CNTNAP2: variants seen among roughly 807,000 people sequenced by gnomAD.
CNTNAP2 encodes the protein contactin-associated protein-like 2.
In CNTNAP2, 98 loss-of-function variants were observed where a neutral mutation model predicts 155.2. The ratio of observed to expected loss-of-function variants is 0.63; its 90% CI spans 0.54 to 0.75. The LOEUF (loss-of-function observed/expected upper bound fraction) is 0.75, where lower values mean the gene tolerates loss of function less well. Ranked by LOEUF, CNTNAP2 falls within the 30% of genes least tolerant of loss-of-function variation. The pLI, the probability that CNTNAP2 is intolerant of heterozygous loss-of-function variation, is 0.00. For synonymous variants in CNTNAP2, 651 were observed against 631.2 expected, an observed-to-expected ratio of 1.03 and a Z score of -0.47; for missense variants, 1,727 against 1,688.1, an observed-to-expected ratio of 1.02 and a Z score of -0.40.
chr7:147,359,979 G>T (rs35717313), intron 9 of CNTNAP2, among the ~76,000 whole-genome samples: 26,072 of 151,984 alleles, frequency 0.17, 2,836 homozygotes, highest in Non-Finnish European at 0.24. Context: ...AAAGTTCAAA[G>T]AATTTTGTCT....
chr7:147,860,338 C>A (rs981012430), intron 13 of CNTNAP2, among the ~76,000 whole-genome samples: 1 of 152,062 alleles, frequency 6.6e-6, no homozygotes, highest in South Asian at 2.1e-4. Flanking sequence ...GCAGAAGAAT[C>A]GTTTGGACCA....
chr7:146,918,487 A>G (rs1254505609), intron 3 of CNTNAP2, among the ~76,000 whole-genome samples: 2 of 152,190 alleles, frequency 1.3e-5, no homozygotes, highest in Non-Finnish European at 2.9e-5. Context: ...TGTTTGGTTT[A>G]ACGAGGCTAA....
intron 18 of CNTNAP2, among the ~76,000 whole-genome samples, chr7:148,178,747 T>G (rs907266204): frequency 1.3e-5 from 2 of 152,228 alleles, no homozygotes; most frequent in Non-Finnish European, 2.9e-5. Context: ...CACAGAATAA[T>G]GTGAATGAAT....
At chr7:146,283,380 G>T (rs1212277598) in intron 1 of CNTNAP2, among the ~76,000 whole-genome samples, 5 of 151,828 alleles carry the variant, frequency 3.3e-5, no homozygotes, top group Non-Finnish European at 7.4e-5. Context: ...GTTTTGTTTT[G>T]TTTTTTTAAC....
At chr7:147,421,464 AAAATAC>A (rs1266502579) in intron 10 of CNTNAP2, among the ~76,000 whole-genome samples, 1 of 152,006 alleles carries the variant, frequency 6.6e-6, no homozygotes, top group East Asian at 1.9e-4. Flanking sequence ...TTAAAATGTT[AAAATAC>A]AAATACAATT....
At chr7:147,382,806 A>T (rs534264776) in intron 9 of CNTNAP2, among the ~76,000 whole-genome samples, 1 of 152,302 alleles carries the variant, frequency 6.6e-6, no homozygotes, top group South Asian at 2.1e-4. Flanking sequence ...TTGAAATGTG[A>T]TTGTCAGAAA....
intron 15 of CNTNAP2, among the ~76,000 whole-genome samples, chr7:148,026,888 G>A (rs758158219): frequency 6.6e-5 from 10 of 152,078 alleles, no homozygotes; most frequent in East Asian, 1.9e-4. Flanking sequence ...TTTGAAACCC[G>A]CCACAACCCT....
chr7:147,573,515 A>C (rs1343128774), intron 12 of CNTNAP2, among the ~76,000 whole-genome samples: 1 of 152,114 alleles, frequency 6.6e-6, no homozygotes, highest in Non-Finnish European at 1.5e-5. Context: ...TCTAGGTTTC[A>C]GGGCTAGGAC....
At chr7:146,905,767 C>A (rs1022161565) in intron 3 of CNTNAP2, among the ~76,000 whole-genome samples, 2 of 152,134 alleles carry the variant, frequency 1.3e-5, no homozygotes, top group Non-Finnish European at 2.9e-5. Flanking sequence ...TAACTTAATA[C>A]AATAAAATTT....
At chr7:147,504,654 T>C (rs962443388) in intron 11 of CNTNAP2, among the ~76,000 whole-genome samples, 9 of 149,038 alleles carry the variant, frequency 6.0e-5, no homozygotes, top group African/African-American at 2.2e-4. Context: ...GCACCACGGC[T>C]TGGGGTCCTG....
chr7:146,919,793 ATGGAGCC>A (rs1414550205), intron 3 of CNTNAP2, among the ~76,000 whole-genome samples: 1 of 152,158 alleles, frequency 6.6e-6, no homozygotes, highest in African/African-American at 2.4e-5. Context: ...TGACTGTCCC[ATGGAGCC>A]TGTAGCAGCA....
chr7:146,848,900 G>A (rs1794815627), intron 3 of CNTNAP2, among the ~76,000 whole-genome samples: 1 of 152,120 alleles, frequency 6.6e-6, no homozygotes. Context: ...AGCCTCTCGA[G>A]TAGCTGGGAT....
chr7:147,207,722 A>T (rs915014784), intron 8 of CNTNAP2, among the ~76,000 whole-genome samples: 1 of 152,148 alleles, frequency 6.6e-6, no homozygotes, highest in Non-Finnish European at 1.5e-5. Context: ...TTGTCCAGTG[A>T]TATTGTCATG....
intron 9 of CNTNAP2, among the ~76,000 whole-genome samples, chr7:147,375,116 C>A (rs1796413630): frequency 6.6e-6 from 1 of 151,918 alleles, no homozygotes; most frequent in South Asian, 2.1e-4. Flanking sequence ...CCCCTTCCAC[C>A]ATGATTATAA....
chr7:148,286,277 T>C (rs1388206349), intron 21 of CNTNAP2, among the ~76,000 whole-genome samples: 1 of 152,350 alleles, frequency 6.6e-6, no homozygotes, highest in Non-Finnish European at 1.5e-5. Context: ...TGTCAATTCC[T>C]GATAAGGTTC....
chr7:147,007,635 T>C (rs182447879), intron 3 of CNTNAP2, among the ~76,000 whole-genome samples: 193 of 152,044 alleles, frequency 1.3e-3, no homozygotes, highest in Non-Finnish European at 9.3e-4. Context: ...AAAAGCCACC[T>C]TTTTTTCTGG....
At chr7:146,905,885 A>T (rs998223038) in intron 3 of CNTNAP2, among the ~76,000 whole-genome samples, 14 of 152,162 alleles carry the variant, frequency 9.2e-5, no homozygotes, top group African/African-American at 3.1e-4. Context: ...CATCTGAGGT[A>T]CCGGGTTCAT....
Position 146,343,479 on chromosome 7 carries a change from C to G in CNTNAP2, c.97+226506C>G, listed in dbSNP as rs1174766083. ...GCCTTCAATACAGTAAAAATAACCA[C>G]ACTCATGCGTTAGAATCATCTGTGC... On this transcript the variant is annotated intron_variant, in intron 1 of 23. Coordinates refer to ENST00000361727, the MANE Select transcript of CNTNAP2 (RefSeq NM_014141.6). Among the ~76,000 whole-genome samples, 4 of 152,102 alleles carry G rather than the reference C, an allele frequency of 2.6e-5. 1 individual carries two copies. Among genetic ancestry groups the G allele is most frequent in the South Asian group, 2.1e-4 (1 of 4,822 alleles).
At chr7:147,575,373 T>G (rs111996287) in intron 12 of CNTNAP2, among the ~76,000 whole-genome samples, 61 of 45,726 alleles carry the variant, frequency 1.3e-3, no homozygotes, top group Middle Eastern at 0.025. Flanking sequence ...GCTTTAGGGG[T>G]GTGTGTGTGT....
Sources: allele counts gnomAD v4.1 joint callset (sites outside exome capture counted in the v4.1 genomes callset), GRCh38; gene constraint gnomAD v4.1.1; transcripts MANE v1.5; gene names NCBI Gene and HGNC (gene_info 2026-07-23, HGNC 2026-07-21).